Variants in ANO10 observed in about 807,000 individuals in gnomAD.
The protein encoded by ANO10 is anoctamin-10.
ANO10 carries 77 observed loss-of-function variants against 74.7 expected under a neutral mutation model. That is an observed-to-expected ratio of 1.03 (90% CI 0.86 to 1.25). The LOEUF (loss-of-function observed/expected upper bound fraction) is 1.25, where lower values mean the gene tolerates loss of function less well. Among genes scored for constraint, ANO10 ranks in the 50% most tolerant of loss-of-function variants. The pLI, the probability that ANO10 is intolerant of heterozygous loss-of-function variation, is 0.00. For missense variants in ANO10, 721 were observed against 778.1 expected, an observed-to-expected ratio of 0.93 and a Z score of 0.87; for synonymous variants, 279 against 284.9, an observed-to-expected ratio of 0.98 and a Z score of 0.21.
At chr3:43,534,920 T>C (rs2078638169) in intron 11 of ANO10, among the ~76,000 whole-genome samples, 1 of 152,158 alleles carries the variant, frequency 6.6e-6, no homozygotes, top group African/African-American at 2.4e-5. Context: ...AAATCAACTG[T>C]GTCACTAAGC....
chr3:43,500,138 G>A lies in ANO10; in HGVS notation c.1797+49582C>T, dbSNP rs951560085. On this transcript the variant is annotated intron_variant, in intron 11 of 12. Coordinates refer to ENST00000292246, the MANE Select transcript of ANO10 (RefSeq NM_018075.5). The stretch of plus-strand genomic sequence containing the variant: ...TGGGATTAGAGGCGTGAGCCACTGC[G>A]CCCAGCCCCATGTACTACTAGATCT... Among the ~76,000 whole-genome samples, 9 of 152,192 alleles carry A rather than the reference G, an allele frequency of 5.9e-5. No homozygotes were observed. In the South Asian group the frequency reaches 1.0e-3, roughly 18 times the overall value.
rs1177663298 is a variant in ANO10, at chr3:43,438,446, T to TAA, written c.1798-5721_1798-5720dup. 6.9e-5 allele frequency among the ~76,000 whole-genome samples: 10 copies of TAA among 144,422 alleles called. No individual in the cohort carries two copies. The East Asian group carries it at 8.1e-4, about 12-fold the overall frequency. The allele number at this position is 144,422 out of a possible 152,430, so 94.7% of individuals were successfully genotyped here. On this transcript the variant is annotated intron_variant, in intron 11 of 12. Transcript: ENST00000292246. The stretch of plus-strand genomic sequence containing the variant: ...TGACATGGCAGGGCCTTGTCTGTAT[T>TAA]AAAAAAAAAAAAATTCAGCCAGGCA...
chr3:43,434,247 G>A (rs896975500), intron 11 of ANO10, among the ~76,000 whole-genome samples: 1 of 152,160 alleles, frequency 6.6e-6, no homozygotes, highest in Non-Finnish European at 1.5e-5. Flanking sequence ...AGATGACACT[G>A]GAAGATACTG....
chr3:43,601,181 G>C (rs951547761), intron 2 of ANO10, among the ~76,000 whole-genome samples: 2 of 152,042 alleles, frequency 1.3e-5, no homozygotes, highest in Non-Finnish European at 2.9e-5. Flanking sequence ...AGATTATAAA[G>C]AAAAAAGATT....
At chr3:43,425,904 T>C (rs1431735569) in intron 12 of ANO10, among the ~76,000 whole-genome samples, 1 of 152,188 alleles carries the variant, frequency 6.6e-6, no homozygotes, top group African/African-American at 2.4e-5. Flanking sequence ...AAGAGTCTGA[T>C]ACCTCTTAAG....
intron 12 of ANO10, among the ~76,000 whole-genome samples, chr3:43,410,783 A>G (rs1189240211): frequency 6.6e-6 from 1 of 152,080 alleles, no homozygotes; most frequent in African/African-American, 2.4e-5. Context: ...CACTCAGAAA[A>G]TCCATGCTAG....
intron 1 of ANO10, among the ~76,000 whole-genome samples, chr3:43,681,796 C>G (rs190471846): frequency 1.4e-3 from 206 of 152,266 alleles, no homozygotes; most frequent in Non-Finnish European, 2.2e-3. Context: ...CGCTCAACTA[C>G]GTGGAAACTG....
intron 11 of ANO10, among the ~76,000 whole-genome samples, chr3:43,444,240 T>TGTCA (rs1212795548): frequency 6.6e-6 from 1 of 152,174 alleles, no homozygotes; most frequent in Non-Finnish European, 1.5e-5. Context: ...GCATGCCCTG[T>TGTCA]GTCACCAAAG....
chr3:43,520,540 G>A (rs534313769), intron 11 of ANO10, among the ~76,000 whole-genome samples: 16 of 152,244 alleles, frequency 1.1e-4, no homozygotes, highest in Non-Finnish European at 1.9e-4. Context: ...ATGAATTGTC[G>A]TGGAACTCTT....
chr3:43,556,576 A>G (rs1270041844), intron 9 of ANO10, among the ~76,000 whole-genome samples: 2 of 152,204 alleles, frequency 1.3e-5, no homozygotes, highest in African/African-American at 4.8e-5. Context: ...TAGCAAACCA[A>G]GGACATAATC....
chr3:43,593,873 A>G (rs1269671824), intron 4 of ANO10, among the ~76,000 whole-genome samples: 4 of 152,198 alleles, frequency 2.6e-5, no homozygotes, highest in Non-Finnish European at 5.9e-5. Context: ...CCCATCTCAC[A>G]TGCAGAGACA....
At chr3:43,568,473 AT>A (rs1366728121) in intron 7 of ANO10, among the ~76,000 whole-genome samples, 1 of 151,766 alleles carries the variant, frequency 6.6e-6, no homozygotes, top group Non-Finnish European at 1.5e-5. Flanking sequence ...AACAGAAATT[AT>A]AACAAACTAT....
intron 11 of ANO10, among the ~76,000 whole-genome samples, chr3:43,440,932 T>C (rs1309001734): frequency 1.3e-5 from 2 of 152,024 alleles, no homozygotes; most frequent in Non-Finnish European, 2.9e-5. Flanking sequence ...GAAATTAACA[T>C]TCTTGAACAA....
chr3:43,430,208 CTT>C (rs1442909000), intron 12 of ANO10, among the ~76,000 whole-genome samples: 3 of 151,590 alleles, frequency 2.0e-5, no homozygotes, highest in Admixed American at 6.6e-5. Context: ...AAGATATTGA[CTT>C]TGTTATATAT....
intron 11 of ANO10, among the ~76,000 whole-genome samples, chr3:43,469,428 T>G (rs2075765160): frequency 6.6e-6 from 1 of 152,224 alleles, no homozygotes. Flanking sequence ...TTCATCAAAT[T>G]AACAGGACTT....
At chr3:43,576,287 T>C (rs1370496691) in intron 6 of ANO10, among the ~76,000 whole-genome samples, 1 of 152,152 alleles carries the variant, frequency 6.6e-6, no homozygotes, top group African/African-American at 2.4e-5. Flanking sequence ...TGAAACACAA[T>C]GTTATGTATT....
chr3:43,661,344 C>T (rs940273558), intron 1 of ANO10, among the ~76,000 whole-genome samples: 2 of 152,290 alleles, frequency 1.3e-5, no homozygotes, highest in South Asian at 2.1e-4. Context: ...GCTTTACAGA[C>T]GAGCAAATGC....
chr3:43,608,871 T>G (rs559610460), intron 1 of ANO10, among the ~76,000 whole-genome samples: 1 of 152,276 alleles, frequency 6.6e-6, no homozygotes, highest in East Asian at 1.9e-4. Flanking sequence ...GTGAGCCATG[T>G]GCCTGGCCAA....
intron 11 of ANO10, among the ~76,000 whole-genome samples, chr3:43,447,757 G>C (rs936059591): frequency 1.3e-5 from 2 of 152,146 alleles, no homozygotes; most frequent in Admixed American, 1.3e-4. Context: ...GTAGAGAGTT[G>C]CTGTATACCT....
Sources: allele counts gnomAD v4.1 joint callset (sites outside exome capture counted in the v4.1 genomes callset), GRCh38; gene constraint gnomAD v4.1.1; transcripts MANE v1.5; gene names NCBI Gene and HGNC (gene_info 2026-07-23, HGNC 2026-07-21).